The following PALM variants were observed in gnomAD, a reference collection of about 807,000 sequenced individuals.
The protein encoded by PALM is paralemmin-1.
PALM carries 18 observed loss-of-function variants against 30.7 expected under a neutral mutation model. The observed-to-expected ratio is 0.59, with a 90% CI of 0.41 to 0.87. The LOEUF (loss-of-function observed/expected upper bound fraction) is 0.87. Among genes scored for constraint, PALM ranks in the 40% least tolerant of loss-of-function variants. The pLI, the probability that PALM is intolerant of heterozygous loss-of-function variation, is 0.00. For missense variants in PALM, 529 were observed against 555.4 expected, an observed-to-expected ratio of 0.95 and a Z score of 0.48; for synonymous variants, 286 against 242.8, an observed-to-expected ratio of 1.18 and a Z score of -1.66.
At chr19:717,119 G>A (rs1042638914) in intron 1 of PALM, among the ~76,000 whole-genome samples, 5 of 152,092 alleles carry the variant, frequency 3.3e-5, no homozygotes, top group African/African-American at 4.8e-5. Flanking sequence ...TAGTAGAGAC[G>A]GGGTTTCACC....
chr19:741,473 C>T (rs1368943502), intron 8 of PALM, among the ~76,000 whole-genome samples: 12 of 105,354 alleles, frequency 1.1e-4, no homozygotes, highest in Admixed American at 1.9e-4. Context: ...TGAGGGGAGA[C>T]GGGCTGCAGG....
chr19:741,411 C>T (rs1334306798), intron 8 of PALM, among the ~76,000 whole-genome samples: 1 of 137,092 alleles, frequency 7.3e-6, no homozygotes, highest in Non-Finnish European at 1.6e-5. Context: ...AGACGGGCTG[C>T]AGGGGTGAGG....
Position 746,835 on chromosome 19 carries a change from C to G in PALM, c.*21C>G. The stretch of plus-strand genomic sequence containing the variant: ...TGTGAGCCGGCCCCCGAGACCCCGG[C>G]CCCCACCCCACACCACAGACACCCA... On this transcript the variant is annotated 3_prime_UTR_variant, in exon 9 of 9. Coordinates refer to ENST00000338448, the MANE Select transcript of PALM (RefSeq NM_002579.3). This position sits in a 1 kb window ranked among gnomAD's most constrained non-coding sequence, Gnocchi z 7.1. The G allele has an allele frequency of 7.1e-7, 1 of 1,418,158 alleles. No homozygotes were observed. Among genetic ancestry groups the G allele is most frequent in the Non-Finnish European group, 9.5e-7 (1 of 1,057,924 alleles). The allele number at this position is 1,418,158 out of a possible 1,614,324, so 87.8% of individuals were successfully genotyped here.
At chr19:717,800 A>C (rs966344482) in intron 1 of PALM, among the ~76,000 whole-genome samples, 2 of 151,926 alleles carry the variant, frequency 1.3e-5, no homozygotes, top group African/African-American at 4.8e-5. Flanking sequence ...AGATGGAAAG[A>C]CCCTAATCGA....
chr19:734,049 G>A lies in PALM; in HGVS notation c.421-124G>A, dbSNP rs1040051778. On this transcript the variant is annotated intron_variant, in intron 5 of 8. Coordinates refer to ENST00000338448, the MANE Select transcript of PALM (RefSeq NM_002579.3). ...GGCCAGAGTCCCAAGAGGATAGGAT[G>A]AGAAGCGGGTGCGTATGACGTCACC... 1.1e-5 allele frequency: 9 copies of A among 786,600 alleles called. No individual in the cohort carries two copies. In the African/African-American group the frequency reaches 1.6e-4, roughly 14 times the overall value. 48.7% of individuals were successfully genotyped at this position (786,600 alleles called of 1,614,324 possible).
chr19:737,048 C>T (rs2033044840), intron 7 of PALM, among the ~76,000 whole-genome samples: 2 of 152,298 alleles, frequency 1.3e-5, no homozygotes, highest in African/African-American at 2.4e-5. Flanking sequence ...AGCAAGACTC[C>T]GTCTCAGAAA....
At chr19:730,374 G>T (rs1410478203) in intron 4 of PALM, among the ~76,000 whole-genome samples, 1 of 152,318 alleles carries the variant, frequency 6.6e-6, no homozygotes, top group East Asian at 1.9e-4. Context: ...CCAGACCCCG[G>T]GGCTGGGATT....
At chr19:727,491 C>G in intron 3 of PALM, 73 bp from the exon 4 acceptor site, 2 of 1,284,690 alleles carry the variant, frequency 1.6e-6, no homozygotes, top group South Asian at 1.3e-5. Context: ...GATCCTGACC[C>G]TGACCTCAGT....
At chr19:714,484 G>A (rs569588903) in intron 1 of PALM, among the ~76,000 whole-genome samples, 62 of 144,180 alleles carry the variant, frequency 4.3e-4, no homozygotes, top group African/African-American at 1.6e-3. Flanking sequence ...TCAGCCTCCC[G>A]AGTAGCTGGG....
chr19:726,078 C>A (rs573750707), intron 1 of PALM, 60 bp from the exon 2 acceptor site: 1 of 1,331,672 alleles, frequency 7.5e-7, no homozygotes, highest in Non-Finnish European at 1.1e-6. Context: ...GGATTTGAAC[C>A]GCGTCTGACG....
intron 6 of PALM, 35 bp downstream of exon 6, chr19:734,229 C>A (rs374836095): frequency 6.2e-7 from 1 of 1,606,782 alleles, no homozygotes; most frequent in Non-Finnish European, 8.5e-7. Flanking sequence ...GGGGCCTCGG[C>A]GCACTCTGGT....
At chr19:730,613 A>G (rs188346974) in intron 4 of PALM, among the ~76,000 whole-genome samples, 44 of 152,278 alleles carry the variant, frequency 2.9e-4, no homozygotes, top group Middle Eastern at 3.4e-3. Context: ...CGCCTCTGCT[A>G]CCTGCTGGCC....
chr19:711,482 A>G (rs1383734688), intron 1 of PALM, among the ~76,000 whole-genome samples: 1 of 152,134 alleles, frequency 6.6e-6, no homozygotes, highest in East Asian at 1.9e-4. Flanking sequence ...TTCAATAGGA[A>G]AGTCTCCGTT....
In PALM at chr19:740,338, G is replaced by T; in HGVS notation, c.503-14G>T. ...CGGGCAGGCCGTGGTGTAACCCCGT[G>T]ACTCTCGTGCCAGCCATGTACTCGG... On this transcript the variant is annotated splice_polypyrimidine_tract_variant and intron_variant, in intron 7 of 8. Transcript: ENST00000338448. 2 of 1,556,082 alleles carry T rather than the reference G, an allele frequency of 1.3e-6. No individual in the cohort carries two copies. The highest frequency in any genetic ancestry group is 2.4e-5 in the South Asian group (2 of 84,214).
chr19:732,868 C>T (rs1442549969), intron 5 of PALM, among the ~76,000 whole-genome samples: 1 of 151,334 alleles, frequency 6.6e-6, no homozygotes, highest in African/African-American at 2.4e-5. Flanking sequence ...GCTGGGCAGG[C>T]GACCTGGAGG....
At chr19:715,866 C>T (rs56749739) in intron 1 of PALM, among the ~76,000 whole-genome samples, 257 of 152,230 alleles carry the variant, frequency 1.7e-3, no homozygotes, top group African/African-American at 6.0e-3. Context: ...GTCAGTGATG[C>T]CCACAGGGAC....
At chr19:735,975 T>A (rs760199003) in intron 6 of PALM, 44 bp from the exon 7 acceptor site, 1 of 1,551,876 alleles carries the variant, frequency 6.4e-7, no homozygotes, top group South Asian at 1.1e-5. Context: ...ATGTGACCTC[T>A]CCTCTGACCC....
chr19:719,115 G>C (rs1057036840), intron 1 of PALM: 1 of 985,082 alleles, frequency 1.0e-6, no homozygotes, highest in South Asian at 4.7e-5. Context: ...TGGGCTCGGC[G>C]CCTGCCCGGG....
At chr19:726,958 T>TTGGGGGGGGGGGGGGGGGG in intron 2 of PALM, 50 bp from the exon 3 acceptor site, 1 of 1,044,084 alleles carries the variant, frequency 9.6e-7, no homozygotes, top group East Asian at 3.2e-5. Flanking sequence ...GGTGGGGGGG[T>TTGGGGGGGGGGGGGGGGGG]CTCCGGGACC....
Sources: allele counts gnomAD v4.1 joint callset (sites outside exome capture counted in the v4.1 genomes callset), GRCh38; gene constraint gnomAD v4.1.1; non-coding constraint Gnocchi (gnomAD v3.1); transcripts MANE v1.5; gene names NCBI Gene and HGNC (gene_info 2026-07-23, HGNC 2026-07-21).